The following SHROOM3 variants were observed in gnomAD, a reference collection of about 807,000 sequenced individuals.
The protein encoded by SHROOM3 is protein Shroom3.
A neutral mutation model predicts 138.6 loss-of-function variants in SHROOM3; 47 were observed. The ratio of observed to expected loss-of-function variants is 0.34; its 90% CI spans 0.27 to 0.43. The LOEUF is 0.43. Ranked by LOEUF, SHROOM3 falls within the 20% of genes least tolerant of loss-of-function variation. SHROOM3 has a pLI of 1.00. For synonymous variants in SHROOM3, 1,062 were observed against 1,063.3 expected (o/e 1.00, Z 0.02); for missense variants, 2,491 against 2,596.5 (o/e 0.96, Z 0.88).
At position 76,672,871 on chromosome 4, in the gene SHROOM3, C is replaced by T. The variant is rs139237873; in HGVS notation, c.324-37285C>T. Among the ~76,000 whole-genome samples the T allele has an allele frequency of 1.1e-3, 161 of 152,174 alleles. 1 individual carries two copies. The East Asian group carries it at 0.023, about 22-fold the overall frequency. On this transcript the variant is annotated intron_variant, in intron 2 of 10. Coordinates refer to ENST00000296043, the MANE Select transcript of SHROOM3 (RefSeq NM_020859.4). Reference sequence around the variant, plus strand: ...CAGGGTATGGTGGCTCATGCCCGGCCGGATACATGCATTTTAATTTGGTGA... The same window carrying T: ...CAGGGTATGGTGGCTCATGCCCGGCTGGATACATGCATTTTAATTTGGTGA...
rs1161177245 is a variant in SHROOM3 at position 76,754,253 on chromosome 4, G to C, written c.3828-58G>C. 3 of 1,605,588 alleles carry C rather than the reference G, an allele frequency of 1.9e-6. No homozygotes were observed. The East Asian group carries it at 6.7e-5, about 36-fold the overall frequency. ...TTCTCATCTATGTAAGGAGCATTGG[G>C]CTGCATGTTTGCCCCTTTCTTCAGA... On this transcript the variant is annotated intron_variant, in intron 6 of 10. Transcript: ENST00000296043.
At chr4:76,577,221 G>A (rs1733957250) in intron 2 of SHROOM3, among the ~76,000 whole-genome samples, 1 of 152,162 alleles carries the variant, frequency 6.6e-6, no homozygotes, top group Non-Finnish European at 1.5e-5. Flanking sequence ...CATATCACAG[G>A]CTAAAAAGCC....
chr4:76,494,012 T>G (rs1281426026), intron 1 of SHROOM3, among the ~76,000 whole-genome samples: 1 of 152,130 alleles, frequency 6.6e-6, no homozygotes, highest in Non-Finnish European at 1.5e-5. Flanking sequence ...AGATTAACTT[T>G]CTATGATAGG....
chr4:76,467,828 G>T (rs528768070), intron 1 of SHROOM3, among the ~76,000 whole-genome samples: 2 of 152,194 alleles, frequency 1.3e-5, no homozygotes, highest in African/African-American at 4.8e-5. Context: ...TGGGCTTGAG[G>T]GAAGTTAGTA....
chr4:76,546,223 G>C (rs889227004), intron 1 of SHROOM3, among the ~76,000 whole-genome samples: 34 of 152,120 alleles, frequency 2.2e-4, no homozygotes, highest in Admixed American at 2.2e-3. Flanking sequence ...CCAGAGTTGG[G>C]ATTAGAGCAC....
At chr4:76,650,231 A>G (rs1717497202) in intron 2 of SHROOM3, among the ~76,000 whole-genome samples, 1 of 152,232 alleles carries the variant, frequency 6.6e-6, no homozygotes, top group South Asian at 2.1e-4. Context: ...ACTCAAAACT[A>G]CAATGAGATA....
chr4:76,590,872 A>AT lies in SHROOM3; in HGVS notation c.323+35114dup, dbSNP rs200461170. On this transcript the variant is annotated intron_variant, in intron 2 of 10. Transcript: ENST00000296043. Reference sequence around the variant, plus strand: ...TCTTAGCGATCCTGTCGGCAGCTGCATTTTTCCCCCTCTGTAATAATGTGA... The same window carrying AT: ...TCTTAGCGATCCTGTCGGCAGCTGCATTTTTTCCCCCTCTGTAATAATGTGA... Among the ~76,000 whole-genome samples the AT allele has an allele frequency of 2.0e-3, 309 of 152,164 alleles. 7 individuals carry two copies. The East Asian group carries it at 0.051, about 25-fold the overall frequency.
At position 76,741,381 on chromosome 4, in the gene SHROOM3, A is replaced by G. The variant is rs1293052207; in HGVS notation, c.3208A>G (p.Thr1070Ala). Residue 1070 changes from threonine (T) to alanine (A), a missense_variant, in exon 5 of 11, where the codon ACG becomes GCG. Physicochemically the swap from Thr to Ala is moderately conservative, Grantham distance 58. This residue lies in a region of SHROOM3 where 1,733 missense variants were observed against 1,661.6 expected (regional missense o/e 1.04). Coordinates refer to ENST00000296043, the MANE Select transcript of SHROOM3 (RefSeq NM_020859.4). This position sits in a 1 kb window ranked among gnomAD's most constrained non-coding sequence, Gnocchi z 6.2. ...LFERDGKACS[T>A]LSLSGPELKQ... Reference sequence around the variant, plus strand: ...CGAGCGCGATGGCAAGGCCTGCTCCACGCTCAGCCTGTCGGGGCCCGAGCT... The same window carrying G: ...CGAGCGCGATGGCAAGGCCTGCTCCGCGCTCAGCCTGTCGGGGCCCGAGCT... 1.2e-6 allele frequency: 2 copies of G among 1,603,808 alleles called. No individual in the cohort carries two copies. The highest frequency in any genetic ancestry group is 1.1e-5 in the South Asian group (1 of 89,488).
chr4:76,465,555 C>T (rs1306313929), intron 1 of SHROOM3, among the ~76,000 whole-genome samples: 2 of 152,206 alleles, frequency 1.3e-5, no homozygotes, highest in South Asian at 2.1e-4. Context: ...CTCCTGCCTT[C>T]CCTCCTGGCT....
intron 10 of SHROOM3, among the ~76,000 whole-genome samples, chr4:76,774,904 A>T (rs1722497516): frequency 6.6e-6 from 1 of 151,968 alleles, no homozygotes; most frequent in South Asian, 2.1e-4. Flanking sequence ...GTATTGAGGT[A>T]TACTTAAGTG....
chr4:76,491,187 G>C (rs889417892), intron 1 of SHROOM3, among the ~76,000 whole-genome samples: 1 of 152,180 alleles, frequency 6.6e-6, no homozygotes, highest in Non-Finnish European at 1.5e-5. Flanking sequence ...CTTGAGACAT[G>C]GGCACTGACC....
At chr4:76,645,384 G>A (rs1352565840) in intron 2 of SHROOM3, 1 of 152,166 alleles carries the variant, frequency 6.6e-6, no homozygotes, top group African/African-American at 2.4e-5. Flanking sequence ...CTCATTTAGT[G>A]TCTCTACTGC....
chr4:76,742,145 A>C, intron 5 of SHROOM3: 1 of 655,994 alleles, frequency 1.5e-6, no homozygotes, highest in Non-Finnish European at 2.7e-6. Flanking sequence ...ATGTTGTTAT[A>C]CAGATTCTCT....
chr4:76,730,744 G>A, intron 3 of SHROOM3, 60 bp from the exon 4 acceptor site: 2 of 1,610,552 alleles, frequency 1.2e-6, no homozygotes, highest in African/African-American at 1.3e-5. Context: ...AGTCACATCA[G>A]TGAGGAGACT....
At chr4:76,766,011 T>C (rs1722142520) in intron 9 of SHROOM3, among the ~76,000 whole-genome samples, 1 of 152,202 alleles carries the variant, frequency 6.6e-6, no homozygotes. Context: ...CTCATAGTAT[T>C]CTTATGAGCT....
chr4:76,750,853 GA>G (rs1721599363), intron 6 of SHROOM3, among the ~76,000 whole-genome samples: 1 of 151,054 alleles, frequency 6.6e-6, no homozygotes. Flanking sequence ...AATGCCAAAA[GA>G]ATAAATATGA....
intron 4 of SHROOM3, 24 bp from the exon 5 acceptor site, chr4:76,738,737 C>A (rs750211887): frequency 1.1e-5 from 18 of 1,613,624 alleles, no homozygotes; most frequent in Non-Finnish European, 1.5e-5. Context: ...CTCAGTGGTA[C>A]TGACTGCTTT....
chr4:76,568,853 G>C (rs1315700448), intron 2 of SHROOM3, among the ~76,000 whole-genome samples: 1 of 152,172 alleles, frequency 6.6e-6, no homozygotes, highest in African/African-American at 2.4e-5. Flanking sequence ...AAATCTGATA[G>C]AATTTGGTTT....
chr4:76,466,205 T>G (rs1731246707), intron 1 of SHROOM3, among the ~76,000 whole-genome samples: 1 of 152,230 alleles, frequency 6.6e-6, no homozygotes, highest in African/African-American at 2.4e-5. Context: ...AATTTGGCAT[T>G]GTTTGCCCTT....
Sources: allele counts gnomAD v4.1 joint callset (sites outside exome capture counted in the v4.1 genomes callset), GRCh38; gene constraint gnomAD v4.1.1; regional missense constraint gnomAD v4.1.1; non-coding constraint Gnocchi (gnomAD v3.1); transcripts MANE v1.5; gene names NCBI Gene and HGNC (gene_info 2026-07-23, HGNC 2026-07-21).